The following RFT1 variants were observed in gnomAD, a reference collection of about 807,000 sequenced individuals.
RFT1 encodes the protein RFT1 glycolipid translocator homolog.
Under a neutral mutation model 62.2 loss-of-function variants are expected in RFT1, and 43 were observed. The observed-to-expected ratio is 0.69, with a 90% CI of 0.54 to 0.89. RFT1 has a LOEUF of 0.89. Ranked by LOEUF, RFT1 falls within the 40% of genes least tolerant of loss-of-function variation. The pLI is 0.00. For missense variants in RFT1, 605 were observed against 649.9 expected, an observed-to-expected ratio of 0.93 and a Z score of 0.75; for synonymous variants, 262 against 264.6, an observed-to-expected ratio of 0.99 and a Z score of 0.10.
At chr3:53,116,707 T>C (rs2107148703) in intron 6 of RFT1, among the ~76,000 whole-genome samples, 1 of 152,082 alleles carries the variant, frequency 6.6e-6, no homozygotes, top group African/African-American at 2.4e-5. Context: ...GTTCAAGCAG[T>C]TCTCCTGCCT....
At chr3:53,118,345 A>G (rs897633606) in intron 6 of RFT1, among the ~76,000 whole-genome samples, 2 of 152,172 alleles carry the variant, frequency 1.3e-5, no homozygotes, top group Non-Finnish European at 2.9e-5. Flanking sequence ...AGGCAAGAGA[A>G]GCGATCCTGA....
chr3:53,124,948 G>A (rs764791633), intron 2 of RFT1, among the ~76,000 whole-genome samples: 1 of 152,194 alleles, frequency 6.6e-6, no homozygotes, highest in Non-Finnish European at 1.5e-5. Flanking sequence ...CACCAGCCTG[G>A]GTGATAGGGC....
the RFT1 span, among the ~76,000 whole-genome samples, chr3:53,073,904 AG>A: frequency 2.0e-5 from 3 of 152,188 alleles, no homozygotes; most frequent in African/African-American, 4.8e-5. Flanking sequence ...AGGACATCGG[AG>A]TTCCAGGCCC....
chr3:53,068,259 C>G, the RFT1 span, among the ~76,000 whole-genome samples: 1 of 151,504 alleles, frequency 6.6e-6, no homozygotes, highest in South Asian at 2.1e-4. Context: ...AGCACCAGCC[C>G]TGTCTCAGAC....
At chr3:53,128,254 T>G (rs1024489230) in intron 1 of RFT1, among the ~76,000 whole-genome samples, 6 of 152,090 alleles carry the variant, frequency 3.9e-5, no homozygotes, top group African/African-American at 1.4e-4. Flanking sequence ...GCCGAGATAG[T>G]GCCACTGCAC....
chr3:53,122,607 TATAA>T, intron 3 of RFT1, 44 bp from the exon 4 acceptor site: 15 of 1,234,098 alleles, frequency 1.2e-5, no homozygotes, highest in Non-Finnish European at 1.6e-5. Context: ...TTAAAATAAA[TATAA>T]ATATATATTA....
intron 11 of RFT1, among the ~76,000 whole-genome samples, chr3:53,096,113 C>G (rs958229953): frequency 6.6e-6 from 1 of 152,166 alleles, no homozygotes. Context: ...ACTATATACC[C>G]GTTTTCATTC....
intron 4 of RFT1, 70 bp from the exon 5 acceptor site, chr3:53,121,870 C>T: frequency 7.6e-7 from 1 of 1,314,838 alleles, no homozygotes; most frequent in Non-Finnish European, 1.1e-6. Context: ...GAATGATAGA[C>T]AGAAAATCTA....
chr3:53,105,375 C>G (rs1212817603), intron 9 of RFT1, among the ~76,000 whole-genome samples: 1 of 151,348 alleles, frequency 6.6e-6, no homozygotes, highest in Non-Finnish European at 1.5e-5. Context: ...GGTCATGCCA[C>G]TGCACTCCAG....
intron 6 of RFT1, among the ~76,000 whole-genome samples, chr3:53,119,341 G>C (rs1181030082): frequency 1.3e-5 from 2 of 152,198 alleles, no homozygotes; most frequent in African/African-American, 4.8e-5. Flanking sequence ...GGTGGAGCCT[G>C]TGCTCTGCTG....
intron 7 of RFT1, among the ~76,000 whole-genome samples, chr3:53,109,284 C>G (rs1701580379): frequency 6.6e-6 from 1 of 152,180 alleles, no homozygotes; most frequent in Non-Finnish European, 1.5e-5. Flanking sequence ...CCCTCTCAGT[C>G]ACCTCTATGA....
the RFT1 span, among the ~76,000 whole-genome samples, chr3:53,080,230 C>T: frequency 6.6e-6 from 1 of 152,350 alleles, no homozygotes; most frequent in Middle Eastern, 3.4e-3. Flanking sequence ...TGGAGCATCC[C>T]TTCTTGTCCT....
chr3:53,092,031 C>T lies in RFT1; in HGVS notation c.1498G>A (p.Ala500Thr). The T allele has an allele frequency of 6.2e-7, 1 of 1,614,264 alleles. No individual in the cohort carries two copies. Among genetic ancestry groups the T allele is most frequent in the Non-Finnish European group, 8.5e-7 (1 of 1,180,042 alleles). Reference sequence around the variant, plus strand: ...CAGAAGGCCCCCACAGCAATGTGTGCCAGTCTGGCTGGCCAGCCCTGCTCA... The same window carrying T: ...CAGAAGGCCCCCACAGCAATGTGTGTCAGTCTGGCTGGCCAGCCCTGCTCA... ...CCEQGWPARL[A>T]HIAVGAFCLG... Residue 500 changes from alanine (A) to threonine (T), a missense_variant, in exon 13 of 13, where the codon GCA becomes ACA. Physicochemically the swap from Ala to Thr is moderately conservative, Grantham distance 58 (BLOSUM62 0). Coordinates refer to ENST00000296292, the MANE Select transcript of RFT1 (RefSeq NM_052859.4).
chr3:53,096,814 C>T (rs979693947), intron 11 of RFT1, among the ~76,000 whole-genome samples: 3 of 152,084 alleles, frequency 2.0e-5, no homozygotes, highest in South Asian at 2.1e-4. Context: ...GCATGATCTC[C>T]GCTCACTGCA....
the RFT1 span, chr3:53,077,668 G>C: frequency 6.6e-6 from 1 of 152,350 alleles, no homozygotes; most frequent in East Asian, 1.9e-4. Context: ...CAGAGGAATT[G>C]CTTCTTGGGA....
the RFT1 span, among the ~76,000 whole-genome samples, chr3:53,081,342 T>C: frequency 6.6e-6 from 1 of 151,306 alleles, no homozygotes; most frequent in East Asian, 1.9e-4. Context: ...TCATTAGGGG[T>C]GAGGGTGGAG....
chr3:53,067,876 T>C, the RFT1 span, among the ~76,000 whole-genome samples: 1 of 152,186 alleles, frequency 6.6e-6, no homozygotes, highest in Non-Finnish European at 1.5e-5. Flanking sequence ...TAAATGGCAG[T>C]TTACAGCAGG....
intron 6 of RFT1, among the ~76,000 whole-genome samples, chr3:53,117,407 G>C (rs940317940): frequency 1.3e-5 from 2 of 152,140 alleles, no homozygotes; most frequent in Non-Finnish European, 1.5e-5. Flanking sequence ...ATCTATATCA[G>C]GTGCCTCTCA....
In RFT1 at chr3:53,098,801, C is replaced by CAAAA. The variant is rs35371104; in HGVS notation, c.1208+576_1208+579dup. Among the ~76,000 whole-genome samples, 208 of 57,430 alleles carry CAAAA rather than the reference C, an allele frequency of 3.6e-3. 1 individual carries two copies. Among genetic ancestry groups the CAAAA allele is most frequent in the Non-Finnish European group, 4.1e-3 (143 of 35,164 alleles). 37.7% of individuals were successfully genotyped at this position (57,430 alleles called of 152,430 possible). On this transcript the variant is annotated intron_variant, in intron 11 of 12. Transcript: ENST00000296292. Reference sequence around the variant, plus strand: ...TGGGCGACAGAGCGAGACTCCATCTCAAAAAAAAAAAAAAAAAAAAAAAAA... The same window carrying CAAAA: ...TGGGCGACAGAGCGAGACTCCATCTCAAAAAAAAAAAAAAAAAAAAAAAAAAAAA...
Sources: gnomAD v4.1 joint callset for allele counts (sites outside exome capture counted in the v4.1 genomes callset) on GRCh38, gnomAD v4.1.1 for gene constraint, MANE v1.5 for transcripts, NCBI Gene and HGNC (gene_info 2026-07-23, HGNC 2026-07-21) for gene names.